GZMB: variants seen among roughly 807,000 people sequenced by gnomAD.
The protein encoded by GZMB is granzyme B.
GZMB carries 27 observed loss-of-function variants against 24.2 expected under a neutral mutation model. The observed-to-expected ratio is 1.12, with a 90% CI of 0.82 to 1.54. GZMB has a LOEUF of 1.54. Ranked by LOEUF, GZMB falls within the 40% of genes most tolerant of loss-of-function variation. GZMB has a pLI of 0.00. For missense variants in GZMB, 336 were observed against 310.1 expected (o/e 1.08, Z -0.63); for synonymous variants, 121 against 115.1 (o/e 1.05, Z -0.33).
chr14:24,634,071 G>A, intron 1 of GZMB, 35 bp downstream of exon 1: 4 of 1,562,414 alleles, frequency 2.6e-6, no homozygotes, highest in Non-Finnish European at 3.5e-6. Context: ...CTGTGGGATG[G>A]GGTTGGGCCC....
chr14:24,631,590 G>T, intron 4 of GZMB: 3 of 568,598 alleles, frequency 5.3e-6, no homozygotes, highest in Non-Finnish European at 6.2e-6. Context: ...CCCCCAGTGG[G>T]CACAGTTTCC....
chr14:24,631,333 G>T, intron 4 of GZMB, 119 bp from the exon 5 acceptor site: 1 of 800,000 alleles, frequency 1.3e-6, no homozygotes, highest in Non-Finnish European at 2.0e-6. Flanking sequence ...GAGACCAGAG[G>T]GCAGGGCAGG....
chr14:24,632,150 A>C (rs1179286792), intron 3 of GZMB, 32 bp from the exon 4 acceptor site: 1 of 1,608,890 alleles, frequency 6.2e-7, no homozygotes, highest in Non-Finnish European at 8.5e-7. Context: ...AGTCCAGGTC[A>C]GCCAACGAAC....
intron 3 of GZMB, 39 bp from the exon 4 acceptor site, chr14:24,632,157 G>T (rs759993958): frequency 1.9e-6 from 3 of 1,606,534 alleles, no homozygotes; most frequent in South Asian, 1.1e-5. Flanking sequence ...GTCAGCCAAC[G>T]AACTTCTGGG....
intron 1 of GZMB, 200 bp from the exon 2 acceptor site, chr14:24,633,262 G>A (rs1056516169): frequency 8.1e-6 from 8 of 984,390 alleles, no homozygotes; most frequent in Non-Finnish European, 9.7e-6. Context: ...TCTTCCATAT[G>A]TAGTTGAAGG....
intron 1 of GZMB, chr14:24,633,379 G>A: frequency 1.2e-6 from 1 of 803,468 alleles, no homozygotes; most frequent in Non-Finnish European, 1.5e-6. Flanking sequence ...TGAGTCCTGT[G>A]GTGTCTAGGA....
intron 1 of GZMB, 194 bp downstream of exon 1, chr14:24,633,912 G>T (rs1408333469): frequency 2.9e-6 from 2 of 687,798 alleles, no homozygotes; most frequent in African/African-American, 3.5e-5. Flanking sequence ...GTACCCACTG[G>T]CTCTTCTTGA....
Position 24,632,067 on chromosome 14 carries a change from T to G in GZMB, c.391A>C (p.Ser131Arg). 2 of 1,614,178 alleles carry G rather than the reference T, an allele frequency of 1.2e-6. No homozygotes were observed. Among genetic ancestry groups the G allele is most frequent in the East Asian group, 2.2e-5 (1 of 44,880 alleles). The change falls in exon 4 of 5, where the codon AGC becomes CGC. Residue 131 changes from serine to arginine, a missense_variant. Physicochemically the swap from Ser to Arg is moderately radical, Grantham distance 110. Coordinates refer to ENST00000216341, the MANE Select transcript of GZMB (RefSeq NM_004131.6). ...TRAVQPLRLPSNKAQVKPGQT... is the reference protein window; with the variant it reads ...TRAVQPLRLPRNKAQVKPGQT... Reference sequence around the variant, plus strand: ...CCTGGCTTCACCTGGGCCTTGTTGCTAGGTAGCCTGAGGGGCTGCACAGCT... The same window carrying G: ...CCTGGCTTCACCTGGGCCTTGTTGCGAGGTAGCCTGAGGGGCTGCACAGCT...
rs1462432298 is a variant in GZMB, at chr14:24,632,872, T to C, written c.203+43A>G. On this transcript the variant is annotated intron_variant, in intron 2 of 4. Transcript: ENST00000216341. ...CTTGGGAAGAAGGCAGGGGTCTCTG[T>C]GGAGTGTTTCCAGGAGGGTGTGGGC... The C allele has an allele frequency of 6.3e-6, 10 of 1,583,432 alleles. No homozygotes were observed. The South Asian group carries it at 1.1e-4, about 18-fold the overall frequency.
chr14:24,632,147 G>A, intron 3 of GZMB, 29 bp from the exon 4 acceptor site: 1 of 1,609,378 alleles, frequency 6.2e-7, no homozygotes, highest in South Asian at 1.1e-5. Context: ...GAAAGTCCAG[G>A]TCAGCCAACG....
chr14:24,631,696 C>A, intron 4 of GZMB, 162 bp downstream of exon 4: 2 of 670,192 alleles, frequency 3.0e-6, no homozygotes, highest in Admixed American at 2.7e-5. Context: ...TGCAGAGGCC[C>A]TAATTTCTCC....
In GZMB at chr14:24,630,990, G is replaced by T; in HGVS notation, c.*81C>A. 9.5e-7 allele frequency: 1 copy of T among 1,055,352 alleles called. No individual in the cohort carries two copies. The allele number at this position is 1,055,352 out of a possible 1,614,324, so 65.4% of individuals were successfully genotyped here. On this transcript the variant is annotated 3_prime_UTR_variant, in exon 5 of 5. Coordinates refer to ENST00000216341, the MANE Select transcript of GZMB (RefSeq NM_004131.6). ...GCTAAGAGGTATTTATTCAGTTGCT[G>T]GCACCTCTCCCAGTGTAAATCTGGA...
chr14:24,633,063 C>A lies in GZMB; in HGVS notation c.56-1G>T, dbSNP rs1387249338. The A allele has an allele frequency of 5.6e-6, 9 of 1,599,994 alleles. No homozygotes were observed. Among genetic ancestry groups the A allele is most frequent in the Admixed American group, 5.1e-5 (3 of 58,348 alleles). On this transcript the variant is annotated splice_acceptor_variant, in intron 1 of 4. Coordinates refer to ENST00000216341, the MANE Select transcript of GZMB (RefSeq NM_004131.6). LOFTEE classifies it high-confidence loss of function. ...GCCTCATGTCCCCCGATGATCTCCC[C>A]TGAAGGAAAAGTCTGTCTGCTTGTG...
rs140343509 is a variant in GZMB at position 24,631,893 on chromosome 14, C to T, written c.565G>A (p.Val189Met). The T allele has an allele frequency of 3.3e-5, 53 of 1,613,906 alleles. No homozygotes were observed. The highest frequency in any genetic ancestry group is 4.0e-5 in the African/African-American group (3 of 75,060). Residue 189 changes from valine to methionine, a missense_variant, in exon 4 of 5, where the codon GTG (valine) becomes ATG (methionine). Physicochemically the swap from Val to Met is conservative, Grantham distance 21. Coordinates refer to ENST00000216341, the MANE Select transcript of GZMB (RefSeq NM_004131.6). ...GTCTTTTTAATCTCTGGGTCCCCCA[C>T]GCACAACTCAATGGTACTGTCGTAA... ...HYYDSTIELC[V>M]GDPEIKKTSF... is the part of the protein sequence containing the mutation.
In GZMB at chr14:24,634,095, C is replaced by T. The variant is rs368884303; in HGVS notation, c.55+11G>A. ...GGGGTTGGGCCCCCGAGGGTGGAGA[C>T]GGTCACTCACCTGCATCTGCCCTGG... On this transcript the variant is annotated intron_variant, in intron 1 of 4. Coordinates refer to ENST00000216341, the MANE Select transcript of GZMB (RefSeq NM_004131.6). 5.4e-5 allele frequency: 86 copies of T among 1,587,870 alleles called. No homozygotes were observed. The highest frequency in any genetic ancestry group is 3.0e-4 in the South Asian group (26 of 86,290).
At chr14:24,632,596 A>T in intron 2 of GZMB, 137 bp from the exon 3 acceptor site, 1 of 1,357,822 alleles carries the variant, frequency 7.4e-7, no homozygotes, top group Admixed American at 1.8e-5. Context: ...AGGAATTGGA[A>T]TTCTGGTAAT....
intron 1 of GZMB, among the ~76,000 whole-genome samples, chr14:24,633,495 G>T (rs779706886): frequency 6.6e-5 from 10 of 152,220 alleles, no homozygotes; most frequent in African/African-American, 1.4e-4. Context: ...AATGTTCATG[G>T]CTGCATGATG....
chr14:24,634,017 C>T, intron 1 of GZMB, 89 bp downstream of exon 1: 1 of 1,168,082 alleles, frequency 8.6e-7, no homozygotes, highest in Non-Finnish European at 1.3e-6. Flanking sequence ...CAGAACATTC[C>T]TGGTAGATAG....
intron 4 of GZMB, 37 bp from the exon 5 acceptor site, chr14:24,631,251 C>A: frequency 6.3e-7 from 1 of 1,589,928 alleles, no homozygotes. Context: ...GCTGATGCTC[C>A]TCCGGGTCCT....
Sources: allele counts gnomAD v4.1 joint callset (sites outside exome capture counted in the v4.1 genomes callset), GRCh38; gene constraint gnomAD v4.1.1; transcripts MANE v1.5; gene names NCBI Gene and HGNC (gene_info 2026-07-23, HGNC 2026-07-21).